Variants in COL5A2 observed in about 807,000 individuals in gnomAD.
COL5A2 encodes the protein collagen type V alpha 2 chain, also known as collagen alpha-2(V) chain.
COL5A2 carries 23 observed loss-of-function variants against 208.2 expected under a neutral mutation model. That is an observed-to-expected ratio of 0.11 (90% CI 0.08 to 0.16). The LOEUF (loss-of-function observed/expected upper bound fraction) is 0.16. Among genes scored for constraint, COL5A2 ranks in the 10% least tolerant of loss-of-function variants. COL5A2 has a pLI of 1.00. For missense variants in COL5A2, 1,590 were observed against 1,956.4 expected (o/e 0.81, Z 3.53); for synonymous variants, 625 against 628.5 (o/e 0.99, Z 0.08).
the COL5A2 span, among the ~76,000 whole-genome samples, chr2:189,409,323 C>T: frequency 1.4e-5 from 2 of 148,052 alleles, no homozygotes; most frequent in Admixed American, 1.4e-4. Context: ...GCAATTTTTC[C>T]AACTCAGCCT....
At chr2:189,350,217 A>G in the COL5A2 span, among the ~76,000 whole-genome samples, 15 of 152,296 alleles carry the variant, frequency 9.8e-5, no homozygotes, top group African/African-American at 3.6e-4. Context: ...GTACATATGT[A>G]TTACATGAAA....
chr2:189,436,662 A>G, the COL5A2 span, among the ~76,000 whole-genome samples: 1 of 152,212 alleles, frequency 6.6e-6, no homozygotes, highest in African/African-American at 2.4e-5. Context: ...ATGGAATACT[A>G]TGCAGCCACA....
intron 1 of COL5A2, among the ~76,000 whole-genome samples, chr2:189,137,602 C>T (rs1224023184): frequency 1.3e-5 from 2 of 152,086 alleles, no homozygotes; most frequent in African/African-American, 2.4e-5. Flanking sequence ...GCCATGGATC[C>T]AGGAAATATT....
the COL5A2 span, among the ~76,000 whole-genome samples, chr2:189,342,677 A>G: frequency 7.7e-6 from 1 of 130,174 alleles, no homozygotes. Flanking sequence ...ACACACACAC[A>G]CACAATAAAT....
the COL5A2 span, among the ~76,000 whole-genome samples, chr2:189,251,508 T>G: frequency 3.9e-5 from 6 of 152,266 alleles, no homozygotes; most frequent in East Asian, 9.7e-4. Context: ...TATTTCCTAG[T>G]TTGAAAGTCT....
At chr2:189,381,424 T>C in the COL5A2 span, among the ~76,000 whole-genome samples, 2 of 152,114 alleles carry the variant, frequency 1.3e-5, no homozygotes, top group Non-Finnish European at 2.9e-5. Context: ...CATAGCTGTA[T>C]TCCTATCTTT....
At chr2:189,430,574 C>T in the COL5A2 span, among the ~76,000 whole-genome samples, 7 of 152,244 alleles carry the variant, frequency 4.6e-5, no homozygotes, top group East Asian at 3.9e-4. Flanking sequence ...CCCACACCCA[C>T]GGAGCATTGC....
intron 1 of COL5A2, among the ~76,000 whole-genome samples, chr2:189,194,025 G>A (rs1336174871): frequency 2.0e-5 from 3 of 152,142 alleles, no homozygotes; most frequent in African/African-American, 2.4e-5. Flanking sequence ...ATATTAATAT[G>A]TAATGGGTAT....
chr2:189,399,924 C>A, the COL5A2 span, among the ~76,000 whole-genome samples: 1 of 152,110 alleles, frequency 6.6e-6, no homozygotes, highest in Non-Finnish European at 1.5e-5. Context: ...TATTCCCAAA[C>A]TCCTGGGCTC....
chr2:189,135,747 G>T (rs1258586579), intron 1 of COL5A2, among the ~76,000 whole-genome samples: 2 of 152,174 alleles, frequency 1.3e-5, no homozygotes, highest in African/African-American at 2.4e-5. Context: ...TATAATAGTG[G>T]TAATAGGAGA....
Position 189,045,829 on chromosome 2 carries a change from G to T in COL5A2, c.3280C>A (p.Pro1094Thr). 6.2e-7 allele frequency: 1 copy of T among 1,614,064 alleles called. No individual in the cohort carries two copies. The highest frequency in any genetic ancestry group is 1.3e-5 in the African/African-American group (1 of 75,032). ...APGTPGPVGA[P>T]GDAGQRGDPG... ...TCTCCTCTTTGTCCTGCATCTCCTG[G>T]AGCACCCACAGGGCCAGGAGTTCCA... The change falls in exon 46 of 54, where the codon CCA (proline) becomes ACA (threonine). Residue 1094 changes from proline to threonine, a missense_variant. By Grantham distance (38) the Pro-to-Thr change is conservative. Transcript: ENST00000374866.
intron 1 of COL5A2, among the ~76,000 whole-genome samples, chr2:189,195,836 C>T (rs1380706099): frequency 6.6e-6 from 1 of 152,040 alleles, no homozygotes; most frequent in Non-Finnish European, 1.5e-5. Context: ...AAATGTAAAA[C>T]CCAAAACCAT....
Position 189,048,236 on chromosome 2 carries a change from T to C in COL5A2, c.3174A>G (p.Pro1058=), listed in dbSNP as rs1407464292. Residue 1058 remains proline (P), a synonymous_variant, in exon 45 of 54, where the codon CCA becomes CCG. Coordinates refer to ENST00000374866, the MANE Select transcript of COL5A2 (RefSeq NM_000393.5). ...GTTCTCCAACAGCACCATCCCGTCCTGGGGTACCATCATTGCCAGCTGGAC... is the reference window on the plus strand; with the variant it reads ...GTTCTCCAACAGCACCATCCCGTCCCGGGGTACCATCATTGCCAGCTGGAC... ...PEGPAGNDGT[P]GRDGAVGERG... 2 of 1,614,090 alleles carry C rather than the reference T, an allele frequency of 1.2e-6. No homozygotes were observed. The highest frequency in any genetic ancestry group is 2.2e-5 in the East Asian group (1 of 44,836).
At chr2:189,250,028 T>C in the COL5A2 span, among the ~76,000 whole-genome samples, 39 of 152,318 alleles carry the variant, frequency 2.6e-4, no homozygotes, top group East Asian at 6.9e-3. Flanking sequence ...TACATGAGTA[T>C]GGTTGTAAAT....
Position 189,041,634 on chromosome 2 carries a change from T to C in COL5A2, c.3585A>G (p.Pro1195=). ...TGCCTCGTACACCTGGAGGTCCAATTGGCCCAAGTGGCCCAGGGTTTCCTT... is the reference window on the plus strand; with the variant it reads ...TGCCTCGTACACCTGGAGGTCCAATCGGCCCAAGTGGCCCAGGGTTTCCTT... ...GKEGNPGPLG[P]IGPPGVRGSV... is the part of the protein sequence containing the mutation. Residue 1195 remains proline (P), a synonymous_variant, in exon 50 of 54, where the codon CCA becomes CCG. Coordinates refer to ENST00000374866, the MANE Select transcript of COL5A2 (RefSeq NM_000393.5). 1 of 1,614,132 alleles carries C rather than the reference T, an allele frequency of 6.2e-7. No individual in the cohort carries two copies. The highest frequency in any genetic ancestry group is 1.1e-5 in the South Asian group (1 of 91,084).
chr2:189,226,367 T>G (rs1024585058), upstream of COL5A2, among the ~76,000 whole-genome samples: 6 of 152,212 alleles, frequency 3.9e-5, no homozygotes, highest in African/African-American at 1.4e-4. Flanking sequence ...ATGGGCTAAT[T>G]CTGTTTATGA....
the COL5A2 span, among the ~76,000 whole-genome samples, chr2:189,259,808 T>G: frequency 1.1e-4 from 16 of 152,110 alleles, no homozygotes; most frequent in Non-Finnish European, 1.9e-4. Flanking sequence ...CAAGTGAAGA[T>G]ACTAGGGTCC....
chr2:189,110,787 GA>G (rs2105713237), intron 1 of COL5A2, among the ~76,000 whole-genome samples: 1 of 152,234 alleles, frequency 6.6e-6, no homozygotes, highest in African/African-American at 2.4e-5. Context: ...AGAACCATCT[GA>G]AAATGGGGAG....
At chr2:189,104,555 G>A (rs1576529723) in intron 2 of COL5A2, among the ~76,000 whole-genome samples, 1 of 151,770 alleles carries the variant, frequency 6.6e-6, no homozygotes, top group Non-Finnish European at 1.5e-5. Context: ...AGCTATTAAA[G>A]CTATAATGAA....
Sources: gnomAD v4.1 joint callset for allele counts (sites outside exome capture counted in the v4.1 genomes callset) on GRCh38, gnomAD v4.1.1 for gene constraint, MANE v1.5 for transcripts, NCBI Gene and HGNC (gene_info 2026-07-23, HGNC 2026-07-21) for gene names.